The following PTBP3 variants were observed in gnomAD, a reference collection of about 807,000 sequenced individuals.
PTBP3 encodes polypyrimidine tract binding protein 3, also known as polypyrimidine tract-binding protein 3.
A neutral mutation model predicts 58.7 loss-of-function variants in PTBP3; 20 were observed. The ratio of observed to expected loss-of-function variants is 0.34; its 90% CI spans 0.24 to 0.50. The LOEUF (loss-of-function observed/expected upper bound fraction) is 0.50. PTBP3 is among the 20% of genes least tolerant of loss of function. PTBP3 has a pLI of 0.98. For missense variants in PTBP3, 509 were observed against 637.2 expected (o/e 0.80, Z 2.17); for synonymous variants, 185 against 219.8 (o/e 0.84, Z 1.40).
intron 1 of PTBP3, 95 bp from the exon 2 acceptor site, chr9:112,298,011 C>T: frequency 2.0e-6 from 2 of 1,008,644 alleles, no homozygotes; most frequent in Non-Finnish European, 3.0e-6. Flanking sequence ...ATTACTTCAT[C>T]TTTGTATGAA....
At chr9:112,283,628 G>A (rs1165067198) in intron 2 of PTBP3, among the ~76,000 whole-genome samples, 2 of 152,202 alleles carry the variant, frequency 1.3e-5, no homozygotes, top group African/African-American at 4.8e-5. Flanking sequence ...TCCATTTTCT[G>A]GGGAGAAATT....
intron 2 of PTBP3, among the ~76,000 whole-genome samples, chr9:112,296,002 T>C (rs1258369635): frequency 6.6e-6 from 1 of 152,198 alleles, no homozygotes; most frequent in African/African-American, 2.4e-5. Flanking sequence ...TCGTAAACTT[T>C]CTTAAAACGT....
At chr9:112,322,086 G>C (rs2074052224) in intron 1 of PTBP3, among the ~76,000 whole-genome samples, 1 of 125,358 alleles carries the variant, frequency 8.0e-6, no homozygotes, top group African/African-American at 3.1e-5. Flanking sequence ...AGTGAGCTGA[G>C]ATCGTGCCAT....
At chr9:112,332,913 C>G in intron 1 of PTBP3, 1 of 1,567,566 alleles carries the variant, frequency 6.4e-7, no homozygotes, top group East Asian at 2.3e-5. Context: ...CGGGAGACCT[C>G]GGCCAAGTCC....
At chr9:112,246,336 T>C (rs527623664) in intron 7 of PTBP3, among the ~76,000 whole-genome samples, 2 of 152,126 alleles carry the variant, frequency 1.3e-5, no homozygotes, top group East Asian at 3.9e-4. Context: ...GAAGAAATGA[T>C]GGAATTAGCA....
the PTBP3 span, among the ~76,000 whole-genome samples, chr9:112,350,047 T>A: frequency 3.9e-5 from 6 of 151,940 alleles, no homozygotes; most frequent in East Asian, 1.9e-4. Context: ...GTTTTTTTTT[T>A]AAATTTATGT....
In PTBP3 at chr9:112,332,686, T is replaced by G. The variant is rs541521799; in HGVS notation, c.-52+784A>C. The G allele has an allele frequency of 5.5e-6, 8 of 1,454,172 alleles. 1 individual carries two copies. The South Asian group carries it at 7.8e-5, about 14-fold the overall frequency. The allele number at this position is 1,454,172 out of a possible 1,614,324, so 90.1% of individuals were successfully genotyped here. A position where few individuals can be genotyped will look rare whatever the true frequency, so the allele number is the denominator to read the frequency against. ...GTCCCCAGAGAACAGTTTATATACA[T>G]AGACTCTAAATCTTTTTATTTTGGT... On this transcript the variant is annotated intron_variant, in intron 1 of 13. Coordinates refer to ENST00000374257, the MANE Select transcript of PTBP3 (RefSeq NM_001163788.4).
In PTBP3 at chr9:112,220,779, TA is replaced by T. The variant is rs1834779971; in HGVS notation, c.*3071del. The T allele has an allele frequency of 1.0e-6, 1 of 982,660 alleles. No individual in the cohort carries two copies. The allele number at this position is 982,660 out of a possible 1,614,324, so 60.9% of individuals were successfully genotyped here. A position where few individuals can be genotyped will look rare whatever the true frequency, so the allele number is the denominator to read the frequency against. ...TCATTTTGGTGTAATTCGCTACTGT[TA>T]AATGTGTACTGCTATTTTTTAAAGT... On this transcript the variant is annotated 3_prime_UTR_variant, in exon 14 of 14. Coordinates refer to ENST00000374257, the MANE Select transcript of PTBP3 (RefSeq NM_001163788.4).
the PTBP3 span, among the ~76,000 whole-genome samples, chr9:112,363,561 A>C: frequency 6.5e-5 from 5 of 77,398 alleles, no homozygotes; most frequent in African/African-American, 3.4e-4. Flanking sequence ...CACACACACA[A>C]AGGCTATTCT....
chr9:112,236,090 T>C (rs1200780675), intron 7 of PTBP3, among the ~76,000 whole-genome samples: 1 of 152,096 alleles, frequency 6.6e-6, no homozygotes, highest in Non-Finnish European at 1.5e-5. Flanking sequence ...CACAAGTATG[T>C]AGGCTCTATT....
intron 4 of PTBP3, among the ~76,000 whole-genome samples, chr9:112,266,259 A>G (rs1479295732): frequency 6.6e-6 from 1 of 152,214 alleles, no homozygotes; most frequent in Non-Finnish European, 1.5e-5. Flanking sequence ...GAAATGGTAA[A>G]TTTTATGTCA....
rs556368909 is a variant in PTBP3, at chr9:112,304,486, A to G, written c.-51-6570T>C. 2.6e-3 allele frequency among the ~76,000 whole-genome samples: 403 copies of G among 152,356 alleles called. 1 individual carries two copies. Among genetic ancestry groups the G allele is most frequent in the African/African-American group, 9.0e-3 (376 of 41,594 alleles). On this transcript the variant is annotated intron_variant, in intron 1 of 13. Coordinates refer to ENST00000374257, the MANE Select transcript of PTBP3 (RefSeq NM_001163788.4). Reference sequence around the variant, plus strand: ...TCATTCATCTTAATATGAATTTTACAAAGTTATAATATGAATCTATGCTCC... The same window carrying G: ...TCATTCATCTTAATATGAATTTTACGAAGTTATAATATGAATCTATGCTCC...
At chr9:112,346,784 G>A in the PTBP3 span, among the ~76,000 whole-genome samples, 42,218 of 152,076 alleles carry the variant, frequency 0.28, 6,981 homozygotes, top group South Asian at 0.4. Flanking sequence ...AGGCTGGAGC[G>A]CAGTGGCGCT....
intron 6 of PTBP3, among the ~76,000 whole-genome samples, chr9:112,251,925 G>C (rs1365935585): frequency 6.6e-6 from 1 of 152,148 alleles, no homozygotes; most frequent in Non-Finnish European, 1.5e-5. Context: ...TTGAGTGCCA[G>C]ACACTGTGTG....
At chr9:112,330,303 T>A (rs1830316330) in intron 1 of PTBP3, 1 of 633,170 alleles carries the variant, frequency 1.6e-6, no homozygotes, top group South Asian at 2.1e-5. Context: ...CAAAGTTACC[T>A]CAGGTCTACT....
At chr9:112,277,892 A>G (rs866911494) in intron 2 of PTBP3, among the ~76,000 whole-genome samples, 15 of 45,954 alleles carry the variant, frequency 3.3e-4, no homozygotes, top group Admixed American at 1.1e-3. Flanking sequence ...GTAACATAAC[A>G]TAACATAACA....
At position 112,221,441 on chromosome 9, in the gene PTBP3, T is replaced by A. The variant is rs756371520; in HGVS notation, c.*2410A>T. ...TTTGCTACACTTATGCTGAATGTTATGAGAATCATGAATTAATAAATTACA... is the reference window on the plus strand; with the variant it reads ...TTTGCTACACTTATGCTGAATGTTAAGAGAATCATGAATTAATAAATTACA... On this transcript the variant is annotated 3_prime_UTR_variant, in exon 14 of 14. Coordinates refer to ENST00000374257, the MANE Select transcript of PTBP3 (RefSeq NM_001163788.4). The A allele has an allele frequency of 1.0e-6, 1 of 985,498 alleles. No individual in the cohort carries two copies. Among genetic ancestry groups the A allele is most frequent in the African/African-American group, 1.7e-5 (1 of 57,214 alleles). The allele number at this position is 985,498 out of a possible 1,614,324, so 61.0% of individuals were successfully genotyped here.
intron 11 of PTBP3, among the ~76,000 whole-genome samples, chr9:112,228,015 T>A (rs567615574): frequency 6.6e-6 from 1 of 152,188 alleles, no homozygotes. Context: ...TCTTGTATCA[T>A]CATTACAAAG....
chr9:112,362,260 C>A, the PTBP3 span, among the ~76,000 whole-genome samples: 5 of 152,056 alleles, frequency 3.3e-5, no homozygotes, highest in Admixed American at 6.6e-5. Context: ...CTGCAGTGAG[C>A]CATGGTTGCA....
Sources: gnomAD v4.1 joint callset for allele counts (sites outside exome capture counted in the v4.1 genomes callset) on GRCh38, gnomAD v4.1.1 for gene constraint, MANE v1.5 for transcripts, NCBI Gene and HGNC (gene_info 2026-07-23, HGNC 2026-07-21) for gene names.